The following ADAM32 variants were observed in gnomAD, a reference collection of about 807,000 sequenced individuals.
The protein encoded by ADAM32 is disintegrin and metalloproteinase domain-containing protein 32.
A neutral mutation model predicts 114.9 loss-of-function variants in ADAM32; 89 were observed. That is an observed-to-expected ratio of 0.77 (90% CI 0.65 to 0.92). The LOEUF (loss-of-function observed/expected upper bound fraction) is 0.92, where lower values mean the gene tolerates loss of function less well. ADAM32 is among the 40% of genes least tolerant of loss of function. The probability of loss-of-function intolerance (pLI) is 0.00; values close to 1 mark genes in which losing one functional copy is unlikely to be tolerated. For missense variants in ADAM32, 870 were observed against 932.8 expected (o/e 0.93, Z 0.88); for synonymous variants, 285 against 307.5 (o/e 0.93, Z 0.77).
At chr8:39,166,027 T>A (rs1179571850) in intron 9 of ADAM32, 1 of 152,178 alleles carries the variant, frequency 6.6e-6, no homozygotes, top group African/African-American at 2.4e-5. Context: ...TTTTAAAAAA[T>A]AATTTCATTA....
intron 12 of ADAM32, among the ~76,000 whole-genome samples, chr8:39,217,324 A>C (rs1808647115): frequency 6.6e-6 from 1 of 151,888 alleles, no homozygotes; most frequent in South Asian, 2.1e-4. Context: ...TTGATTATTA[A>C]ATGCTTTGAG....
intron 19 of ADAM32, 113 bp downstream of exon 19, chr8:39,257,456 AT>A: frequency 8.1e-7 from 1 of 1,231,646 alleles, no homozygotes; most frequent in South Asian, 1.8e-5. Context: ...GATTTTGAGT[AT>A]TACATCAATA....
rs1803818933 is a variant in ADAM32, at chr8:39,151,464, G to A, written c.441G>A (p.Lys147=). The A allele has an allele frequency of 2.5e-6, 4 of 1,605,346 alleles. No individual in the cohort carries two copies. The highest frequency in any genetic ancestry group is 2.5e-6 in the Non-Finnish European group (3 of 1,177,302). Residue 147 remains lysine (K), a synonymous_variant, in exon 6 of 25, where the codon AAG becomes AAA. Coordinates refer to ENST00000379907, the MANE Select transcript of ADAM32 (RefSeq NM_145004.7). ...TTCAGCATGTTCTTTACAAATTAAA[G>A]AATGAAGACAATGATATTGCAATTT... is the stretch of plus-strand genomic sequence containing the variant. ...VEFQHVLYKL[K]NEDNDIAIFI... is the part of the protein sequence containing the mutation.
intron 6 of ADAM32, among the ~76,000 whole-genome samples, chr8:39,153,910 A>T (rs1210770699): frequency 6.6e-6 from 1 of 152,062 alleles, no homozygotes; most frequent in Non-Finnish European, 1.5e-5. Context: ...TGTATGTATC[A>T]TTTGGAAAGT....
chr8:39,252,032 A>C (rs778931792), intron 17 of ADAM32, among the ~76,000 whole-genome samples: 12 of 151,726 alleles, frequency 7.9e-5, no homozygotes, highest in Non-Finnish European at 1.8e-4. Context: ...GTGTAAATGC[A>C]TGTATTTGTA....
At chr8:39,260,878 T>G (rs1206854571) in intron 19 of ADAM32, among the ~76,000 whole-genome samples, 1 of 152,124 alleles carries the variant, frequency 6.6e-6, no homozygotes, top group Non-Finnish European at 1.5e-5. Flanking sequence ...CATCTGGTTC[T>G]GTTTTTTTCT....
chr8:39,253,769 C>T (rs372057053), intron 17 of ADAM32, among the ~76,000 whole-genome samples: 23 of 151,450 alleles, frequency 1.5e-4, no homozygotes, highest in African/African-American at 5.3e-4. Flanking sequence ...GTAAAAGAGA[C>T]ACAAAAAATT....
At chr8:39,259,222 G>A (rs1811857428) in intron 19 of ADAM32, among the ~76,000 whole-genome samples, 2 of 149,186 alleles carry the variant, frequency 1.3e-5, no homozygotes, top group Non-Finnish European at 3.0e-5. Flanking sequence ...TTTTTGAGAC[G>A]AAGCTTTGCT....
At chr8:39,268,025 T>C (rs1174809659) in intron 19 of ADAM32, among the ~76,000 whole-genome samples, 1 of 152,212 alleles carries the variant, frequency 6.6e-6, no homozygotes, top group Non-Finnish European at 1.5e-5. Context: ...AACTAAATCT[T>C]TGAAGAAGAA....
At chr8:39,189,595 T>A (rs1806469672) in intron 11 of ADAM32, among the ~76,000 whole-genome samples, 1 of 152,158 alleles carries the variant, frequency 6.6e-6, no homozygotes, top group Non-Finnish European at 1.5e-5. Context: ...TCTCAAACAT[T>A]TATCATTTAT....
chr8:39,276,454 C>A (rs1236424888), intron 22 of ADAM32, among the ~76,000 whole-genome samples: 2 of 152,084 alleles, frequency 1.3e-5, no homozygotes, highest in Admixed American at 1.3e-4. Context: ...GGTTTTAGGT[C>A]CTTCTGCAGA....
At chr8:39,143,811 C>T (rs1167817680) in intron 3 of ADAM32, among the ~76,000 whole-genome samples, 7 of 152,178 alleles carry the variant, frequency 4.6e-5, no homozygotes, top group African/African-American at 1.7e-4. Context: ...TATGCCCTGC[C>T]CCCAGAGGTG....
chr8:39,141,323 A>G (rs1015361012), intron 3 of ADAM32, among the ~76,000 whole-genome samples: 3 of 152,166 alleles, frequency 2.0e-5, no homozygotes, highest in African/African-American at 7.2e-5. Flanking sequence ...TTTTGTGGGC[A>G]TTTAGTGCTA....
In ADAM32 at chr8:39,199,535, G is replaced by T. The variant is rs995233702; in HGVS notation, c.1053-11609G>T. ...ATTTATTGAAATAATCACTTTCAAG[G>T]TTTCTGTTTGATTCTTTTTTATGAT... On this transcript the variant is annotated intron_variant, in intron 11 of 24. Coordinates refer to ENST00000379907, the MANE Select transcript of ADAM32 (RefSeq NM_145004.7). Among the ~76,000 whole-genome samples, 4 of 151,780 alleles carry T rather than the reference G, an allele frequency of 2.6e-5. No individual in the cohort carries two copies. In the South Asian group the frequency reaches 6.3e-4, roughly 24 times the overall value.
At chr8:39,205,637 A>G (rs1807776808) in intron 11 of ADAM32, among the ~76,000 whole-genome samples, 1 of 152,262 alleles carries the variant, frequency 6.6e-6, no homozygotes, top group South Asian at 2.1e-4. Flanking sequence ...TCCTGCACCA[A>G]CTGTCCGACA....
In ADAM32 at chr8:39,204,997, C is replaced by A. The variant is rs373241682; in HGVS notation, c.1053-6147C>A. Among the ~76,000 whole-genome samples the A allele has an allele frequency of 2.6e-5, 4 of 152,326 alleles. No individual in the cohort carries two copies. The East Asian group carries it at 5.8e-4, about 22-fold the overall frequency. ...GATCATTCCTCTGGAAGTTTTGTCT[C>A]AGAGGGGTACTTGGCCCTGTGAGGT... On this transcript the variant is annotated intron_variant, in intron 11 of 24. Coordinates refer to ENST00000379907, the MANE Select transcript of ADAM32 (RefSeq NM_145004.7).
intron 11 of ADAM32, among the ~76,000 whole-genome samples, chr8:39,193,212 C>A (rs995452713): frequency 7.2e-5 from 11 of 152,050 alleles, no homozygotes; most frequent in African/African-American, 2.4e-4. Flanking sequence ...ATTCTTTTTT[C>A]TTTATTCTTG....
chr8:39,277,993 A>G (rs976686504), intron 22 of ADAM32, among the ~76,000 whole-genome samples: 1 of 152,230 alleles, frequency 6.6e-6, no homozygotes, highest in Non-Finnish European at 1.5e-5. Context: ...CTTGTCTGGC[A>G]TCCAGGAAAA....
At chr8:39,222,332 C>G (rs1809028027) in intron 13 of ADAM32, among the ~76,000 whole-genome samples, 1 of 152,034 alleles carries the variant, frequency 6.6e-6, no homozygotes, top group African/African-American at 2.4e-5. Context: ...ACCTTCATGA[C>G]TGTCCTGGAC....
Sources: gnomAD v4.1 joint callset for allele counts (sites outside exome capture counted in the v4.1 genomes callset) on GRCh38, gnomAD v4.1.1 for gene constraint, MANE v1.5 for transcripts, NCBI Gene and HGNC (gene_info 2026-07-23, HGNC 2026-07-21) for gene names.